Variants in MKLN1 observed in about 807,000 individuals in gnomAD.
The protein encoded by MKLN1 is muskelin 1.
In MKLN1, 18 loss-of-function variants were observed where a neutral mutation model predicts 99.0. The ratio of observed to expected loss-of-function variants is 0.18; its 90% CI spans 0.13 to 0.27. The LOEUF (loss-of-function observed/expected upper bound fraction) is 0.27. Among genes scored for constraint, MKLN1 ranks in the 10% least tolerant of loss-of-function variants. The pLI is 1.00. For synonymous variants in MKLN1, 288 were observed against 293.2 expected, an observed-to-expected ratio of 0.98 and a Z score of 0.18; for missense variants, 621 against 875.9, an observed-to-expected ratio of 0.71 and a Z score of 3.67.
chr7:131,191,371 G>A (rs1796538879), intron 2 of MKLN1, among the ~76,000 whole-genome samples: 1 of 152,196 alleles, frequency 6.6e-6, no homozygotes, highest in Admixed American at 6.5e-5. Flanking sequence ...AGATTCCTAA[G>A]TTGGTCCTGA....
intron 1 of MKLN1, among the ~76,000 whole-genome samples, chr7:131,332,327 T>G (rs1026503655): frequency 6.7e-6 from 1 of 148,426 alleles, no homozygotes; most frequent in Non-Finnish European, 1.5e-5. Context: ...ATGTGCATAG[T>G]TATATATTAT....
intron 2 of MKLN1, among the ~76,000 whole-genome samples, chr7:131,383,481 G>T (rs1478871285): frequency 6.6e-6 from 1 of 152,106 alleles, no homozygotes; most frequent in Non-Finnish European, 1.5e-5. Context: ...ACAACTACAT[G>T]AATGAATCCA....
At chr7:131,259,660 A>G (rs1473978355) in intron 3 of MKLN1, among the ~76,000 whole-genome samples, 1 of 152,146 alleles carries the variant, frequency 6.6e-6, no homozygotes, top group Non-Finnish European at 1.5e-5. Flanking sequence ...TTGTCCCCCA[A>G]ATGGTTTTTT....
At chr7:131,317,254 C>T (rs538690533) in intron 3 of MKLN1, among the ~76,000 whole-genome samples, 319 of 152,282 alleles carry the variant, frequency 2.1e-3, no homozygotes, top group Non-Finnish European at 3.4e-3. Flanking sequence ...AACAGCAGAT[C>T]TCTCTGCAGA....
intron 6 of MKLN1, among the ~76,000 whole-genome samples, chr7:131,404,524 C>G (rs1221147061): frequency 6.6e-6 from 1 of 152,130 alleles, no homozygotes; most frequent in Non-Finnish European, 1.5e-5. Flanking sequence ...GTTACCCAGA[C>G]TGGTCTTTAA....
chr7:131,355,098 T>C (rs187154811), intron 1 of MKLN1, among the ~76,000 whole-genome samples: 15 of 152,214 alleles, frequency 9.9e-5, no homozygotes, highest in African/African-American at 3.4e-4. Flanking sequence ...TATTTCACTG[T>C]TTTGTATTCT....
intron 1 of MKLN1, among the ~76,000 whole-genome samples, chr7:131,127,254 T>C (rs1232340671): frequency 1.3e-5 from 2 of 151,936 alleles, no homozygotes; most frequent in Non-Finnish European, 2.9e-5. Context: ...ACTCAGCAGA[T>C]GAAGGGTCTA....
intron 3 of MKLN1, among the ~76,000 whole-genome samples, chr7:131,234,075 G>A (rs1797281043): frequency 6.6e-6 from 1 of 152,118 alleles, no homozygotes; most frequent in Non-Finnish European, 1.5e-5. Context: ...CACTTCCCGG[G>A]TTCAAGCGAT....
chr7:131,192,142 T>A, intron 2 of MKLN1, among the ~76,000 whole-genome samples: 1 of 72,658 alleles, frequency 1.4e-5, no homozygotes, highest in African/African-American at 5.8e-5. Flanking sequence ...AAAATATATA[T>A]ACGTATATAT....
At chr7:131,304,567 G>T (rs981521725) in intron 3 of MKLN1, among the ~76,000 whole-genome samples, 1 of 152,120 alleles carries the variant, frequency 6.6e-6, no homozygotes, top group Non-Finnish European at 1.5e-5. Flanking sequence ...TTACAGCAGA[G>T]CTTGCCTATG....
intron 2 of MKLN1, among the ~76,000 whole-genome samples, chr7:131,149,931 G>A (rs1795865653): frequency 6.6e-6 from 1 of 152,146 alleles, no homozygotes; most frequent in Non-Finnish European, 1.5e-5. Flanking sequence ...TCCTAAGTTT[G>A]TTAAAAGATC....
chr7:131,355,411 CATG>C (rs1799843184), intron 1 of MKLN1, among the ~76,000 whole-genome samples: 1 of 151,704 alleles, frequency 6.6e-6, no homozygotes, highest in South Asian at 2.1e-4. Flanking sequence ...AGGAACATGG[CATG>C]TCTTTGCATT....
At chr7:131,233,334 C>T (rs1309256261) in intron 3 of MKLN1, among the ~76,000 whole-genome samples, 1 of 151,512 alleles carries the variant, frequency 6.6e-6, no homozygotes, top group Non-Finnish European at 1.5e-5. Flanking sequence ...GATGCCACTG[C>T]ACTCCAGCCT....
chr7:131,377,989 A>G (rs1563319248), intron 2 of MKLN1, among the ~76,000 whole-genome samples: 1 of 152,248 alleles, frequency 6.6e-6, no homozygotes, highest in Non-Finnish European at 1.5e-5. Flanking sequence ...TTCTGTGGCC[A>G]GTCTCAAGGG....
At chr7:131,347,447 A>C (rs1456168541) in intron 1 of MKLN1, among the ~76,000 whole-genome samples, 1 of 152,212 alleles carries the variant, frequency 6.6e-6, no homozygotes, top group Non-Finnish European at 1.5e-5. Context: ...TGTATGCTGC[A>C]AGAGCATGCA....
intron 1 of MKLN1, among the ~76,000 whole-genome samples, chr7:131,358,071 A>G (rs1799933221): frequency 6.6e-6 from 1 of 151,954 alleles, no homozygotes; most frequent in Non-Finnish European, 1.5e-5. Context: ...CGCTTATCTT[A>G]TTGGATTTAG....
chr7:131,239,959 A>G lies in MKLN1; in HGVS notation c.-179+36985A>G, dbSNP rs139693543. On this transcript the variant is annotated intron_variant, in intron 3 of 7. Coordinates refer to the MKLN1 transcript ENST00000416992. ...CACTTTGGGAGGCTGAGGCAGGATG[A>G]TCACTCGAGACCAGGAGTTCGAGAC... 2.0e-3 allele frequency among the ~76,000 whole-genome samples: 302 copies of G among 152,328 alleles called. 1 individual carries two copies. The highest frequency in any genetic ancestry group is 7.0e-3 in the African/African-American group (293 of 41,584).
upstream of MKLN1, among the ~76,000 whole-genome samples, chr7:131,326,278 C>T (rs1798887977): frequency 6.6e-6 from 1 of 152,196 alleles, no homozygotes. Flanking sequence ...ACAGCATTCC[C>T]TTAAGGAACA....
At chr7:131,207,164 G>T (rs6467367) in intron 3 of MKLN1, among the ~76,000 whole-genome samples, 70,755 of 151,922 alleles carry the variant, frequency 0.47, 17,243 homozygotes, top group South Asian at 0.61. Flanking sequence ...AGTCTAGAAG[G>T]TCAAAACCCA....
Sources: gnomAD v4.1 joint callset for allele counts (sites outside exome capture counted in the v4.1 genomes callset) on GRCh38, gnomAD v4.1.1 for gene constraint, MANE v1.5 for transcripts, NCBI Gene and HGNC (gene_info 2026-07-23, HGNC 2026-07-21) for gene names.